Variants in CHODL observed in about 807,000 individuals in gnomAD.
CHODL encodes transmembrane protein MT75.
In CHODL, 29 loss-of-function variants were observed where a neutral mutation model predicts 34.5. The observed-to-expected ratio is 0.84, with a 90% CI of 0.63 to 1.15. The LOEUF is 1.15. Among genes scored for constraint, CHODL ranks in the 50% most tolerant of loss-of-function variants. The pLI, the probability that CHODL is intolerant of heterozygous loss-of-function variation, is 0.00. For missense variants in CHODL, 332 were observed against 332.5 expected (o/e 1.00, Z 0.01); for synonymous variants, 125 against 116.1 (o/e 1.08, Z -0.49).
chr21:18,017,506 G>T (rs1296206910), intron 1 of CHODL, among the ~76,000 whole-genome samples: 1 of 152,200 alleles, frequency 6.6e-6, no homozygotes, highest in African/African-American at 2.4e-5. Context: ...CGCTTCAGAG[G>T]GCATGAGCCA....
intron 2 of CHODL, among the ~76,000 whole-genome samples, chr21:18,151,311 C>A (rs1454585841): frequency 1.3e-5 from 2 of 152,086 alleles, no homozygotes; most frequent in Non-Finnish European, 2.9e-5. Flanking sequence ...GTTGTCCATG[C>A]TGCAGTCATG....
intron 2 of CHODL, among the ~76,000 whole-genome samples, chr21:18,178,559 A>G (rs2073343916): frequency 1.3e-5 from 2 of 152,220 alleles, no homozygotes; most frequent in African/African-American, 4.8e-5. Flanking sequence ...CACATATTTT[A>G]TCTGTTACAT....
chr21:17,983,557 C>A (rs1366057532), intron 1 of CHODL, among the ~76,000 whole-genome samples: 4 of 152,222 alleles, frequency 2.6e-5, no homozygotes, highest in African/African-American at 9.6e-5. Context: ...ATTAGTTTTT[C>A]ATCTTTGTTA....
upstream of CHODL, among the ~76,000 whole-genome samples, chr21:18,244,081 G>T (rs1469776185): frequency 6.6e-6 from 1 of 152,178 alleles, no homozygotes; most frequent in Non-Finnish European, 1.5e-5. Flanking sequence ...TTAATAAAGA[G>T]AGCAGGTCAG....
chr21:18,189,934 T>C (rs1217800393), intron 2 of CHODL, among the ~76,000 whole-genome samples: 1 of 152,094 alleles, frequency 6.6e-6, no homozygotes, highest in African/African-American at 2.4e-5. Context: ...CACTCCTGGC[T>C]GAAGTGGACA....
At chr21:18,042,697 C>T (rs770156884) in intron 2 of CHODL, among the ~76,000 whole-genome samples, 9 of 151,862 alleles carry the variant, frequency 5.9e-5, no homozygotes, top group Non-Finnish European at 1.3e-4. Context: ...ACTTGATGTG[C>T]ATAAACTTTC....
chr21:18,243,495 T>G (rs2074101074), upstream of CHODL, among the ~76,000 whole-genome samples: 1 of 151,912 alleles, frequency 6.6e-6, no homozygotes, highest in Non-Finnish European at 1.5e-5. Flanking sequence ...AAAGGGAATA[T>G]AAGAAAAAGG....
At position 18,256,623 on chromosome 21, in the gene CHODL, G is replaced by C. The variant is rs759939160; in HGVS notation, c.194G>C (p.Gly65Ala). ...GCACGCCTGGCTTGTGAGAGTGAGGGAGGAGTCCTCCTCAGCCTTGAGAAT... is the reference window on the plus strand; with the variant it reads ...GCACGCCTGGCTTGTGAGAGTGAGGCAGGAGTCCTCCTCAGCCTTGAGAAT... ...QEARLACESE[G>A]GVLLSLENEA... Residue 65 changes from glycine to alanine, a missense_variant, in exon 2 of 6, where the codon GGA becomes GCA. Gly to Ala is a moderately conservative substitution (Grantham distance 60, BLOSUM62 0). Coordinates refer to ENST00000299295, the MANE Select transcript of CHODL (RefSeq NM_024944.3). The C allele has an allele frequency of 6.2e-7, 1 of 1,613,958 alleles. No homozygotes were observed. The highest frequency in any genetic ancestry group is 8.5e-7 in the Non-Finnish European group (1 of 1,180,000).
intron 1 of CHODL, among the ~76,000 whole-genome samples, chr21:17,931,545 T>G (rs1020353226): frequency 6.6e-6 from 1 of 152,198 alleles, no homozygotes. Flanking sequence ...AGCAATGGAT[T>G]CTAACCAGAA....
chr21:18,009,362 ACTTT>A (rs1362563432), intron 1 of CHODL, among the ~76,000 whole-genome samples: 2 of 152,010 alleles, frequency 1.3e-5, no homozygotes, highest in Non-Finnish European at 2.9e-5. Flanking sequence ...AAAGAAATAC[ACTTT>A]CTTTTCTGAA....
chr21:18,203,297 G>C (rs367591743), intron 2 of CHODL, among the ~76,000 whole-genome samples: 1 of 152,112 alleles, frequency 6.6e-6, no homozygotes, highest in Admixed American at 6.5e-5. Flanking sequence ...TGTCAGCTTA[G>C]AGGGCTAATA....
chr21:18,142,978 T>A (rs183903127), intron 2 of CHODL, among the ~76,000 whole-genome samples: 1 of 152,288 alleles, frequency 6.6e-6, no homozygotes, highest in East Asian at 1.9e-4. Flanking sequence ...TATTTCAGAA[T>A]GAGAAGACAT....
chr21:18,086,413 CAT>C (rs1351830908), intron 2 of CHODL, among the ~76,000 whole-genome samples: 2 of 151,972 alleles, frequency 1.3e-5, no homozygotes, highest in African/African-American at 4.8e-5. Context: ...TTGGTAGTGT[CAT>C]ATTTCTCTTT....
At chr21:18,104,310 C>T (rs546389752) in intron 2 of CHODL, among the ~76,000 whole-genome samples, 2 of 152,078 alleles carry the variant, frequency 1.3e-5, no homozygotes, top group South Asian at 2.1e-4. Context: ...AGTGAGTTCT[C>T]ATGAAAATCT....
intron 2 of CHODL, among the ~76,000 whole-genome samples, chr21:18,158,825 T>G (rs1490167740): frequency 8.8e-5 from 10 of 114,068 alleles, no homozygotes; most frequent in Non-Finnish European, 1.5e-4. Context: ...GCAACGAGAG[T>G]GAAACTCCGT....
chr21:18,036,770 G>T (rs188399052), intron 2 of CHODL, among the ~76,000 whole-genome samples: 24 of 150,774 alleles, frequency 1.6e-4, no homozygotes, highest in Admixed American at 1.4e-3. Context: ...TTTTTGATTT[G>T]GGCAGATATG....
Position 18,245,253 on chromosome 21 carries a change from C to T in CHODL, c.30C>T (p.Gly10=), listed in dbSNP as rs1355049872. The T allele has an allele frequency of 6.6e-7, 1 of 1,523,416 alleles. No individual in the cohort carries two copies. Among genetic ancestry groups the T allele is most frequent in the East Asian group, 2.5e-5 (1 of 39,288 alleles). The allele number at this position is 1,523,416 out of a possible 1,614,324, so 94.4% of individuals were successfully genotyped here. MSRVVSLLL[G]AALLCGHGAF... ...GCCGCGTGGTCTCGCTGCTGCTGGG[C>T]GCCGCGCTGCTCTGCGGCCACGGAG... Residue 10 remains glycine, a synonymous_variant, in exon 1 of 6, where the codon GGC becomes GGT. Transcript: ENST00000299295.
At chr21:18,002,405 T>C (rs999898054) in intron 1 of CHODL, among the ~76,000 whole-genome samples, 1 of 152,206 alleles carries the variant, frequency 6.6e-6, no homozygotes, top group African/African-American at 2.4e-5. Flanking sequence ...TCTAACCTCA[T>C]TATAATTTTT....
chr21:18,184,981 TGCCA>T (rs2073423713), intron 2 of CHODL, among the ~76,000 whole-genome samples: 1 of 152,192 alleles, frequency 6.6e-6, no homozygotes, highest in Non-Finnish European at 1.5e-5. Flanking sequence ...TTCAGGGAAC[TGCCA>T]GCAACAACTT....
Sources: gnomAD v4.1 joint callset for allele counts (sites outside exome capture counted in the v4.1 genomes callset) on GRCh38, gnomAD v4.1.1 for gene constraint, MANE v1.5 for transcripts, NCBI Gene and HGNC (gene_info 2026-07-23, HGNC 2026-07-21) for gene names.